Variants in ZNF177 observed in about 807,000 individuals in gnomAD.
ZNF177 encodes the protein zinc finger protein 177.
A neutral mutation model predicts 19.4 loss-of-function variants in ZNF177; 17 were observed. The observed-to-expected ratio is 0.87, with a 90% CI of 0.60 to 1.31. The LOEUF is 1.31. Among genes scored for constraint, ZNF177 ranks in the 40% most tolerant of loss-of-function variants. The pLI is 0.00. For synonymous variants in ZNF177, 220 were observed against 188.7 expected, an observed-to-expected ratio of 1.17 and a Z score of -1.36; for missense variants, 633 against 561.8, an observed-to-expected ratio of 1.13 and a Z score of -1.28.
chr19:9,367,201 T>A (rs1226702019), intron 2 of ZNF177, among the ~76,000 whole-genome samples: 1 of 152,012 alleles, frequency 6.6e-6, no homozygotes, highest in Non-Finnish European at 1.5e-5. Flanking sequence ...GCGTCTGTAG[T>A]CCCAGCTACT....
upstream of ZNF177, among the ~76,000 whole-genome samples, chr19:9,374,656 T>G (rs2068087481): frequency 6.6e-6 from 1 of 151,808 alleles, no homozygotes; most frequent in Non-Finnish European, 1.5e-5. Context: ...ATTTTCATAG[T>G]TTTTTTTAGA....
upstream of ZNF177, among the ~76,000 whole-genome samples, chr19:9,372,388 C>T (rs771014598): frequency 2.0e-5 from 3 of 152,052 alleles, no homozygotes; most frequent in African/African-American, 2.4e-5. Flanking sequence ...TTTTAAAAAA[C>T]TGTTCACTGT....
At chr19:9,377,320 A>G (rs2068123638) in intron 1 of ZNF177, among the ~76,000 whole-genome samples, 1 of 152,182 alleles carries the variant, frequency 6.6e-6, no homozygotes, top group Non-Finnish European at 1.5e-5. Context: ...TTACTGGTTT[A>G]TATATTTTTA....
chr19:9,370,676 C>T (rs529004518), intron 2 of ZNF177, among the ~76,000 whole-genome samples: 17 of 152,242 alleles, frequency 1.1e-4, no homozygotes, highest in Non-Finnish European at 1.8e-4. Context: ...CCTGCCCCAG[C>T]TTTCCAAAGT....
intron 3 of ZNF177, 171 bp downstream of exon 5, chr19:9,379,259 A>G (rs2068154733): frequency 8.2e-7 from 1 of 1,217,428 alleles, no homozygotes; most frequent in South Asian, 1.8e-5. Context: ...CACTGATTTC[A>G]TTTTCTCTAT....
At chr19:9,367,070 C>G (rs759785072) in intron 2 of ZNF177, among the ~76,000 whole-genome samples, 4 of 152,208 alleles carry the variant, frequency 2.6e-5, no homozygotes, top group Non-Finnish European at 5.9e-5. Context: ...CCTGTAATCC[C>G]AGCACTTTGG....
chr19:9,380,054 C>G lies in ZNF177; in HGVS notation c.254-3C>G. ...AATTATAAAAATTCCTGTGCTATTT[C>G]AGACTGGGAAACTCAACTTAAACCA... On this transcript the variant is annotated splice_region_variant and splice_polypyrimidine_tract_variant and intron_variant, in intron 4 of 5. Coordinates refer to ENST00000589262, the Ensembl canonical transcript of ZNF177. 2 of 1,608,904 alleles carry G rather than the reference C, an allele frequency of 1.2e-6. No individual in the cohort carries two copies. The highest frequency in any genetic ancestry group is 1.1e-5 in the South Asian group (1 of 89,442).
In ZNF177 at chr19:9,381,608, G is replaced by A. The variant is rs757990292; in HGVS notation, c.1277G>A (p.Cys426Tyr). Residue 426 changes from cysteine to tyrosine, a missense_variant, in exon 6 of 6, where the codon TGT (cysteine) becomes TAT (tyrosine). Cys to Tyr is a radical substitution (Grantham distance 194, BLOSUM62 -2). Transcript: ENST00000589262. ...CACACTGGTGAGAAAACCTATGAGT[G>A]TAAAGAATGTGGGAAGGCCTTTAGG... 2.9e-5 allele frequency: 47 copies of A among 1,614,060 alleles called. No homozygotes were observed. The highest frequency in any genetic ancestry group is 3.8e-5 in the Non-Finnish European group (45 of 1,180,020).
chr19:9,378,874 C>T (rs2068148609), intron 2 of ZNF177, 88 bp from the exon 5 acceptor site: 6 of 1,488,548 alleles, frequency 4.0e-6, no homozygotes, highest in Non-Finnish European at 4.5e-6. Context: ...AGTCTCCTCT[C>T]CAGTCCTGTC....
exon 6 of ZNF177, chr19:9,381,283 G>GGAA: frequency 6.2e-7 from 1 of 1,614,048 alleles, no homozygotes; most frequent in East Asian, 2.2e-5. Context: ...TGATCACTGT[G>GGAA]GAAAATCCTT....
Position 9,378,300 on chromosome 19 carries a change from A to G in ZNF177, c.-12A>G, listed in dbSNP as rs745903556. ...CTCTGCCCAGCCAGGAAGGAAACCT[A>G]CAGGAGGAAGAATGGCTGCAGGGTG... is the stretch of plus-strand genomic sequence containing the variant. On this transcript the variant is annotated 5_prime_UTR_variant, in exon 2 of 6. Transcript: ENST00000589262. The G allele has an allele frequency of 1.2e-5, 19 of 1,613,618 alleles. No homozygotes were observed. The South Asian group carries it at 2.0e-4, about 17-fold the overall frequency.
chr19:9,380,699 A>AGT lies in ZNF177; in HGVS notation c.371_372dup (p.Asn125ValfsTer28). On this transcript the variant is annotated frameshift_variant, in exon 6 of 6. Transcript: ENST00000589262. LOFTEE classifies it low-confidence loss of function (END_TRUNC). ...AATCAACCTGGTGAGCACTCCCTGG[A>AGT]GTGTAACCATTGTGGGAAATTCAGA... is the stretch of plus-strand genomic sequence containing the variant. 2 of 1,535,924 alleles carry AGT rather than the reference A, an allele frequency of 1.3e-6. No homozygotes were observed. The highest frequency in any genetic ancestry group is 1.2e-5 in the South Asian group (1 of 84,042).
intron 2 of ZNF177, among the ~76,000 whole-genome samples, chr19:9,367,277 T>C (rs1208757252): frequency 1.3e-5 from 2 of 151,720 alleles, no homozygotes; most frequent in Non-Finnish European, 2.9e-5. Flanking sequence ...ATCGCACCAC[T>C]GCACTCCAGC....
intron 2 of ZNF177, 80 bp from the exon 5 acceptor site, chr19:9,378,882 G>A (rs1339474263): frequency 2.0e-6 from 3 of 1,502,160 alleles, no homozygotes; most frequent in African/African-American, 1.4e-5. Context: ...CTCCAGTCCT[G>A]TCAGCCTCAC....
intron 4 of ZNF177, 24 bp downstream of exon 6, chr19:9,379,643 G>A (rs111668142): frequency 1.1e-4 from 170 of 1,611,082 alleles, no homozygotes; most frequent in Admixed American, 2.5e-4. Context: ...AGAACAGGGT[G>A]CAGCCTTGGC....
chr19:9,363,589 G>T (rs954255566), intron 1 of ZNF177, among the ~76,000 whole-genome samples: 2 of 152,114 alleles, frequency 1.3e-5, no homozygotes, highest in African/African-American at 4.8e-5. Flanking sequence ...GGTCTTCAAG[G>T]TTTATTTTTG....
chr19:9,378,654 CCTGTCTATACTGGAT>C, intron 2 of ZNF177: 2 of 559,522 alleles, frequency 3.6e-6, no homozygotes, highest in Non-Finnish European at 6.1e-6. Context: ...TACAGTATGC[CCTGTCTATACTGGAT>C]CTGAATAAGA....
rs1244747064 is a variant in ZNF177 at position 9,381,582 on chromosome 19, TCA to T, written c.1255_1256del (p.Thr419TrpfsTer2). 2.5e-6 allele frequency: 4 copies of T among 1,614,014 alleles called. No individual in the cohort carries two copies. The highest frequency in any genetic ancestry group is 2.2e-5 in the East Asian group (1 of 44,868). On this transcript the variant is annotated frameshift_variant, in exon 6 of 6. Transcript: ENST00000589262. LOFTEE classifies it low-confidence loss of function (END_TRUNC). ...CTTACCTTATTGTGCACAAGAGAAC[TCA>T]CACTGGTGAGAAAACCTATGAGTGT...
At chr19:9,378,655 CT>C in intron 2 of ZNF177, 1 of 550,282 alleles carries the variant, frequency 1.8e-6, no homozygotes, top group Admixed American at 3.4e-5. Flanking sequence ...ACAGTATGCC[CT>C]GTCTATACTG....
Sources: allele counts gnomAD v4.1 joint callset (sites outside exome capture counted in the v4.1 genomes callset), GRCh38; gene constraint gnomAD v4.1.1; transcripts MANE v1.5; gene names NCBI Gene and HGNC (gene_info 2026-07-23, HGNC 2026-07-21).